Variants in FAM135B observed in about 807,000 individuals in gnomAD.
The protein encoded by FAM135B is protein FAM135B.
A neutral mutation model predicts 127.7 loss-of-function variants in FAM135B; 43 were observed. That is an observed-to-expected ratio of 0.34 (90% CI 0.26 to 0.43). The LOEUF is 0.43. FAM135B is among the 20% of genes least tolerant of loss of function. FAM135B has a pLI of 1.00. For synonymous variants in FAM135B, 670 were observed against 665.1 expected (o/e 1.01, Z -0.11); for missense variants, 1,558 against 1,725.6 (o/e 0.90, Z 1.72).
At chr8:138,365,879 G>A (rs1378012086) in intron 2 of FAM135B, among the ~76,000 whole-genome samples, 7 of 152,106 alleles carry the variant, frequency 4.6e-5, no homozygotes, top group Admixed American at 3.3e-4. Flanking sequence ...GTTACTGAAC[G>A]GGATTCTGCC....
At chr8:138,344,522 G>T (rs1384105028) in intron 2 of FAM135B, among the ~76,000 whole-genome samples, 1 of 150,772 alleles carries the variant, frequency 6.6e-6, no homozygotes, top group Non-Finnish European at 1.5e-5. Flanking sequence ...CCTCAAAGAC[G>T]CTTTTCCGAA....
intron 2 of FAM135B, among the ~76,000 whole-genome samples, chr8:138,328,653 G>T: frequency 6.6e-6 from 1 of 152,132 alleles, no homozygotes; most frequent in Non-Finnish European, 1.5e-5. Context: ...TAGATGGACC[G>T]AGCTACCTTT....
intron 3 of FAM135B, among the ~76,000 whole-genome samples, chr8:138,271,540 C>A (rs1159196618): frequency 1.3e-5 from 2 of 152,136 alleles, no homozygotes; most frequent in Admixed American, 1.3e-4. Flanking sequence ...TTTGGGACAT[C>A]TATGTTTTAC....
chr8:138,480,659 A>G (rs1395440986), intron 1 of FAM135B, among the ~76,000 whole-genome samples: 3 of 152,224 alleles, frequency 2.0e-5, no homozygotes, highest in African/African-American at 7.2e-5. Flanking sequence ...TCCTAATGGA[A>G]GAAAGCCAAC....
chr8:138,281,097 TG>T (rs1156481214), intron 3 of FAM135B, among the ~76,000 whole-genome samples: 1 of 152,040 alleles, frequency 6.6e-6, no homozygotes, highest in African/African-American at 2.4e-5. Flanking sequence ...GGATTTTAGG[TG>T]GAAAAAAAAC....
intron 8 of FAM135B, 147 bp from the exon 9 acceptor site, chr8:138,195,454 T>G: frequency 1.4e-6 from 1 of 719,796 alleles, no homozygotes; most frequent in Non-Finnish European, 2.4e-6. Context: ...TATTCTAACT[T>G]CCTAAAGGGA....
rs571962190 is a variant in FAM135B at position 138,225,297 on chromosome 8, C to T, written c.669+17645G>A. ...CAAAATAGGAAAGATATGGATCTCT[C>T]TTTGCTCTCTGCCATGTGAAGGTAC... On this transcript the variant is annotated intron_variant, in intron 7 of 19. Coordinates refer to ENST00000395297, the MANE Select transcript of FAM135B (RefSeq NM_015912.4). 2.0e-5 allele frequency among the ~76,000 whole-genome samples: 3 copies of T among 152,106 alleles called. No individual in the cohort carries two copies. In the East Asian group the frequency reaches 5.8e-4, roughly 30 times the overall value.
chr8:138,231,370 C>A (rs1389278997), intron 7 of FAM135B, among the ~76,000 whole-genome samples: 4 of 152,104 alleles, frequency 2.6e-5, no homozygotes, highest in Non-Finnish European at 5.9e-5. Flanking sequence ...GAGTAGGGAC[C>A]AGGCAGACTT....
At chr8:138,418,303 A>G (rs1271690360) in intron 1 of FAM135B, among the ~76,000 whole-genome samples, 4 of 152,184 alleles carry the variant, frequency 2.6e-5, no homozygotes, top group African/African-American at 9.6e-5. Flanking sequence ...GATTATGTAA[A>G]AAGACCAAAC....
intron 1 of FAM135B, among the ~76,000 whole-genome samples, chr8:138,421,675 T>C (rs1834518923): frequency 6.6e-6 from 1 of 152,286 alleles, no homozygotes; most frequent in South Asian, 2.1e-4. Context: ...TGCTTATGGA[T>C]AGGAAGAATA....
chr8:138,432,990 C>T (rs868854325), intron 1 of FAM135B, among the ~76,000 whole-genome samples: 5 of 151,952 alleles, frequency 3.3e-5, no homozygotes, highest in Middle Eastern at 3.4e-3. Flanking sequence ...AGAGGACTGA[C>T]GGGGAAAATA....
intron 1 of FAM135B, among the ~76,000 whole-genome samples, chr8:138,389,093 C>T (rs1832387348): frequency 6.6e-6 from 1 of 152,160 alleles, no homozygotes; most frequent in African/African-American, 2.4e-5. Flanking sequence ...ATACAACACA[C>T]ACACAATGAG....
intron 9 of FAM135B, among the ~76,000 whole-genome samples, chr8:138,179,622 A>C (rs1814817166): frequency 6.6e-6 from 1 of 152,216 alleles, no homozygotes; most frequent in Admixed American, 6.5e-5. Context: ...GCACCTGAGG[A>C]CTGAGGCAAT....
At chr8:138,145,818 C>A in intron 15 of FAM135B, 141 bp downstream of exon 15, 1 of 551,176 alleles carries the variant, frequency 1.8e-6, no homozygotes, top group Non-Finnish European at 3.2e-6. Flanking sequence ...TTCTTTCCAA[C>A]CCATCCAAAT....
At chr8:138,272,206 A>G (rs1430528443) in intron 3 of FAM135B, among the ~76,000 whole-genome samples, 5 of 152,194 alleles carry the variant, frequency 3.3e-5, no homozygotes, top group African/African-American at 4.8e-5. Flanking sequence ...TTTCTGTTTA[A>G]TAAAAAAAAT....
intron 13 of FAM135B, among the ~76,000 whole-genome samples, chr8:138,149,601 T>A (rs1817954212): frequency 1.3e-5 from 2 of 152,142 alleles, no homozygotes; most frequent in African/African-American, 4.8e-5. Flanking sequence ...AAGGTCAGAA[T>A]CTCAAATTTG....
intron 3 of FAM135B, among the ~76,000 whole-genome samples, chr8:138,287,735 A>C (rs779923970): frequency 5.3e-5 from 8 of 152,204 alleles, no homozygotes; most frequent in Non-Finnish European, 1.0e-4. Flanking sequence ...TCACTAAAGG[A>C]GATGGGATGT....
intron 3 of FAM135B, among the ~76,000 whole-genome samples, chr8:138,300,086 G>A (rs1015635576): frequency 2.0e-5 from 3 of 151,956 alleles, no homozygotes; most frequent in African/African-American, 7.3e-5. Context: ...TTGTGCTTCA[G>A]CCTCCCGAGT....
At chr8:138,368,654 GC>G (rs1830920590) in intron 1 of FAM135B, among the ~76,000 whole-genome samples, 1 of 152,172 alleles carries the variant, frequency 6.6e-6, no homozygotes, top group Admixed American at 6.5e-5. Flanking sequence ...GGGTGCTGCT[GC>G]CAGGTAGATG....
Sources: gnomAD v4.1 joint callset for allele counts (sites outside exome capture counted in the v4.1 genomes callset) on GRCh38, gnomAD v4.1.1 for gene constraint, MANE v1.5 for transcripts, NCBI Gene and HGNC (gene_info 2026-07-23, HGNC 2026-07-21) for gene names.